CNTN4: variants seen among roughly 807,000 people sequenced by gnomAD.
The protein encoded by CNTN4 is contactin-4.
In CNTN4, 77 loss-of-function variants were observed where a neutral mutation model predicts 122.5. The ratio of observed to expected loss-of-function variants is 0.63; its 90% confidence interval spans 0.52 to 0.76. The LOEUF (loss-of-function observed/expected upper bound fraction) is 0.76. Ranked by LOEUF, CNTN4 falls within the 30% of genes least tolerant of loss-of-function variation. The pLI is 0.00. For missense variants in CNTN4, 1,256 were observed against 1,259.1 expected, an observed-to-expected ratio of 1.00 and a Z score of 0.04; for synonymous variants, 512 against 447.0, an observed-to-expected ratio of 1.15 and a Z score of -1.83.
At chr3:2,291,857 C>T (rs999996476) in intron 2 of CNTN4, among the ~76,000 whole-genome samples, 4 of 152,020 alleles carry the variant, frequency 2.6e-5, no homozygotes, top group African/African-American at 7.3e-5. Flanking sequence ...CCTCTGCCTC[C>T]CGAGTAGCTG....
chr3:2,804,737 C>CTTTTTTTTTTTTTT (rs370653933), intron 6 of CNTN4, among the ~76,000 whole-genome samples: 1 of 144,880 alleles, frequency 6.9e-6, no homozygotes. Context: ...ATTTTGAGCA[C>CTTTTTTTTTTTTTT]TTTTTTTTTG....
intron 2 of CNTN4, among the ~76,000 whole-genome samples, chr3:2,265,928 A>ACTT (rs1456139047): frequency 2.0e-5 from 3 of 152,094 alleles, no homozygotes. Context: ...GTATTCTGCA[A>ACTT]CTTTATTGAA....
chr3:2,324,717 A>T (rs1406441516), intron 2 of CNTN4, among the ~76,000 whole-genome samples: 4 of 152,042 alleles, frequency 2.6e-5, no homozygotes, highest in African/African-American at 7.2e-5. Context: ...AATGAGAAAA[A>T]CATTTTTGGG....
chr3:2,366,441 A>G (rs2045380992), intron 3 of CNTN4, among the ~76,000 whole-genome samples: 1 of 152,144 alleles, frequency 6.6e-6, no homozygotes, highest in Non-Finnish European at 1.5e-5. Context: ...TTTGTTAAAA[A>G]ATAAGGCTGG....
intron 4 of CNTN4, among the ~76,000 whole-genome samples, chr3:2,627,019 G>A (rs748185043): frequency 2.0e-4 from 31 of 152,082 alleles, no homozygotes; most frequent in African/African-American, 5.6e-4. Context: ...GCTCTTCTTT[G>A]TATATAATTT....
intron 4 of CNTN4, among the ~76,000 whole-genome samples, chr3:2,734,383 TAAAG>T (rs1398755244): frequency 1.3e-5 from 2 of 152,198 alleles, no homozygotes; most frequent in Admixed American, 1.3e-4. Context: ...TTTTAACTGA[TAAAG>T]AATCACTGGC....
chr3:2,380,777 T>G (rs548531976), intron 3 of CNTN4, among the ~76,000 whole-genome samples: 4 of 152,092 alleles, frequency 2.6e-5, no homozygotes, highest in African/African-American at 4.8e-5. Context: ...TGTAGCTTCA[T>G]TTGCAAAAGG....
intron 3 of CNTN4, among the ~76,000 whole-genome samples, chr3:2,387,367 A>G (rs2046290745): frequency 6.7e-6 from 1 of 150,066 alleles, no homozygotes; most frequent in South Asian, 2.1e-4. Context: ...CTTTATTAAG[A>G]GTAAAAAGAA....
At chr3:2,692,476 C>T (rs184586759) in intron 4 of CNTN4, among the ~76,000 whole-genome samples, 4 of 152,050 alleles carry the variant, frequency 2.6e-5, no homozygotes, top group Middle Eastern at 6.8e-3. Context: ...TTTTGGAACA[C>T]GTGGGATCTT....
At chr3:2,120,655 G>A (rs573210091) in intron 2 of CNTN4, among the ~76,000 whole-genome samples, 50 of 151,454 alleles carry the variant, frequency 3.3e-4, no homozygotes, top group African/African-American at 1.0e-3. Context: ...TGCCTGTGTC[G>A]GCCTCCCAAA....
At chr3:2,142,842 G>A (rs964217432) in intron 2 of CNTN4, among the ~76,000 whole-genome samples, 1 of 152,232 alleles carries the variant, frequency 6.6e-6, no homozygotes, top group African/African-American at 2.4e-5. Context: ...GAGATCTTGA[G>A]AGAGAATTAA....
At chr3:2,530,372 G>A (rs545483074) in intron 3 of CNTN4, among the ~76,000 whole-genome samples, 3 of 143,942 alleles carry the variant, frequency 2.1e-5, no homozygotes, top group Non-Finnish European at 4.5e-5. Context: ...GCAGTGGCAC[G>A]ATCTCAGCTC....
intron 2 of CNTN4, among the ~76,000 whole-genome samples, chr3:2,247,021 A>G (rs977882948): frequency 6.6e-6 from 1 of 152,084 alleles, no homozygotes; most frequent in Non-Finnish European, 1.5e-5. Context: ...AAGTACAAGC[A>G]TAGAATGGGA....
rs192532226 is a variant in CNTN4, at chr3:2,712,531, C to T, written c.56-23684C>T. Among the ~76,000 whole-genome samples, 9 of 152,266 alleles carry T rather than the reference C, an allele frequency of 5.9e-5. No individual in the cohort carries two copies. The East Asian group carries it at 1.7e-3, about 29-fold the overall frequency. On this transcript the variant is annotated intron_variant, in intron 4 of 24. Transcript: ENST00000418658. ...TATTTAATATAAGTTTTATGGAATA[C>T]TGAAGCCTACAGAAATGAAGACCTA...
At chr3:2,313,865 A>G (rs2150156932) in intron 2 of CNTN4, among the ~76,000 whole-genome samples, 1 of 152,020 alleles carries the variant, frequency 6.6e-6, no homozygotes, top group Admixed American at 6.6e-5. Flanking sequence ...TGTTTAACTT[A>G]GTGATTCTTA....
At chr3:2,544,864 A>G (rs973589922) in intron 3 of CNTN4, among the ~76,000 whole-genome samples, 10 of 150,704 alleles carry the variant, frequency 6.6e-5, no homozygotes, top group African/African-American at 1.7e-4. Context: ...TCACATCTCA[A>G]TTTCCTTCAG....
chr3:2,272,001 A>G (rs1399320493), intron 2 of CNTN4, among the ~76,000 whole-genome samples: 3 of 152,174 alleles, frequency 2.0e-5, no homozygotes, highest in Admixed American at 6.6e-5. Context: ...AAGTAAAAAA[A>G]CAGGTTAGCA....
chr3:2,293,446 T>C (rs1425679224), intron 2 of CNTN4, among the ~76,000 whole-genome samples: 2 of 152,222 alleles, frequency 1.3e-5, no homozygotes, highest in African/African-American at 4.8e-5. Flanking sequence ...TAGTATTTAT[T>C]GCCTGTGTTC....
chr3:2,568,333 A>C (rs1003565822), intron 3 of CNTN4, among the ~76,000 whole-genome samples: 3 of 150,634 alleles, frequency 2.0e-5, no homozygotes, highest in African/African-American at 7.3e-5. Context: ...AAAAAAAAAA[A>C]AAAAAAACCA....
Sources: allele counts gnomAD v4.1 joint callset (sites outside exome capture counted in the v4.1 genomes callset), GRCh38; gene constraint gnomAD v4.1.1; transcripts MANE v1.5; gene names NCBI Gene and HGNC (gene_info 2026-07-23, HGNC 2026-07-21).